Variants in HELZ2 observed in about 807,000 individuals in gnomAD.
HELZ2 encodes 3'-5' exoribonuclease HELZ2.
In HELZ2, 143 loss-of-function variants were observed where a neutral mutation model predicts 208.8. The observed-to-expected ratio is 0.68, with a 90% CI of 0.60 to 0.79. The LOEUF is 0.79. HELZ2 is among the 30% of genes least tolerant of loss of function. The pLI is 0.00. For missense variants in HELZ2, 3,690 were observed against 3,794.5 expected, an observed-to-expected ratio of 0.97 and a Z score of 0.72; for synonymous variants, 1,705 against 1,693.7, an observed-to-expected ratio of 1.01 and a Z score of -0.16.
intron 5 of HELZ2, 127 bp downstream of exon 6, chr20:63,568,231 C>T: frequency 1.3e-6 from 1 of 772,910 alleles, no homozygotes; most frequent in Non-Finnish European, 2.1e-6. Flanking sequence ...AGCCAAAGCC[C>T]AAAGCTGGTC....
exon 16 of HELZ2, chr20:63,560,509 G>T (rs2082874219): frequency 6.4e-7 from 1 of 1,571,476 alleles, no homozygotes; most frequent in Non-Finnish European, 8.6e-7. Context: ...GGTTGGCCTT[G>T]GAGTTCTCAT....
intron 5 of HELZ2, chr20:63,568,095 C>T (rs1455278469): frequency 1.8e-6 from 1 of 567,844 alleles, no homozygotes; most frequent in African/African-American, 1.9e-5. Context: ...CCCAGAAGTC[C>T]TGGGTGGGCC....
chr20:63,562,879 C>T (rs757232312), exon 8 of HELZ2: 28 of 1,604,532 alleles, frequency 1.7e-5, no homozygotes, highest in South Asian at 3.3e-5. Flanking sequence ...CCTGCAGCTG[C>T]CCCTGCGGCG....
chr20:63,564,522 C>A lies in HELZ2; in HGVS notation c.4300G>T (p.Glu1434Ter). Reference sequence around the variant, plus strand: ...CTCTTCAGCTGGCCACTGGCCTTCTCCATGGTGAGGAACAGGGAGATGGCC... The same window carrying A: ...CTCTTCAGCTGGCCACTGGCCTTCTACATGGTGAGGAACAGGGAGATGGCC... The change falls in exon 8 of 19, where the codon GAG becomes TAG. Residue 1434 changes from glutamate to a stop codon, truncating the protein, a stop_gained. Coordinates refer to ENST00000467148, the Ensembl canonical transcript of HELZ2. LOFTEE classifies it high-confidence loss of function. 2 of 1,582,628 alleles carry A rather than the reference C, an allele frequency of 1.3e-6. No individual in the cohort carries two copies. Among genetic ancestry groups the A allele is most frequent in the East Asian group, 2.3e-5 (1 of 43,262 alleles).
At chr20:63,563,231 C>T (rs1211614771) in exon 8 of HELZ2, 9 of 1,566,918 alleles carry the variant, frequency 5.7e-6, no homozygotes, top group African/African-American at 2.7e-5. Context: ...ACAGTGGCTC[C>T]GCTGCACCTG....
At chr20:63,572,805 T>C (rs2083028102), upstream of HELZ2, 1 of 173,174 alleles carries the variant, frequency 5.8e-6, no homozygotes, top group Non-Finnish European at 1.2e-5. Context: ...CGGGCAAAGG[T>C]GCACCGGTTT....
exon 8 of HELZ2, chr20:63,563,699 T>C (rs1433044887): frequency 5.7e-6 from 9 of 1,585,418 alleles, no homozygotes; most frequent in African/African-American, 1.3e-5. Flanking sequence ...GCTGAAGGCC[T>C]GGCAGAGCCC....
exon 9 of HELZ2, chr20:63,562,292 G>A: frequency 3.8e-6 from 6 of 1,598,998 alleles, no homozygotes; most frequent in Non-Finnish European, 4.3e-6. Flanking sequence ...ACCTACCTCT[G>A]CAGAGGGGCT....
At chr20:63,570,183 C>T in intron 3 of HELZ2, 1 of 486,832 alleles carries the variant, frequency 2.1e-6, no homozygotes, top group Middle Eastern at 5.7e-4. Context: ...TGATCTCGAA[C>T]TCCCGACCTC....
Position 63,569,683 on chromosome 20 carries a change from C to T in HELZ2, c.571-18G>A, listed in dbSNP as rs372259575. The T allele has an allele frequency of 7.9e-5, 119 of 1,499,604 alleles. No homozygotes were observed. The highest frequency in any genetic ancestry group is 2.7e-4 in the African/African-American group (19 of 71,430). The allele number at this position is 1,499,604 out of a possible 1,614,324, so 92.9% of individuals were successfully genotyped here. A position where few individuals can be genotyped will look rare whatever the true frequency, so the allele number is the denominator to read the frequency against. On this transcript the variant is annotated intron_variant, in intron 3 of 18. Transcript: ENST00000467148. ...AGGGGCTCCTGGAGAGGAGGCCAGA[C>T]GGTGAGGGGGGCCCAGGGCTCCCCC...
In HELZ2 at chr20:63,563,361, G is replaced by C. The variant is rs1038644498; in HGVS notation, c.5461C>G (p.Leu1821Val). The stretch of plus-strand genomic sequence containing the variant: ...TTCCACAGGGCCGTCTCCACGGCCA[G>C]GGTGTGTGGGTCCGGCACAGTGCCA... The change falls in exon 8 of 19, where the codon CTG (leucine) becomes GTG (valine). Residue 1821 changes from leucine to valine, a missense_variant. Around this residue, in one of 3 missense-constraint regions of HELZ2, gnomAD observed 2,564 missense variants for 2,580.5 expected, o/e 0.99. Coordinates refer to ENST00000467148, the Ensembl canonical transcript of HELZ2. 1 of 1,537,594 alleles carries C rather than the reference G, an allele frequency of 6.5e-7. No individual in the cohort carries two copies. Among genetic ancestry groups the C allele is most frequent in the Non-Finnish European group, 8.7e-7 (1 of 1,147,820 alleles).
At chr20:63,570,946 C>A (rs2083010627) in intron 1 of HELZ2, 78 bp from the exon 3 acceptor site, 2 of 1,159,836 alleles carry the variant, frequency 1.7e-6, no homozygotes, top group Non-Finnish European at 2.4e-6. Flanking sequence ...ACCCCTCAGC[C>A]CAATACTGGC....
rs201565879 is a variant in HELZ2 at position 63,569,547 on chromosome 20, C to T, written c.689G>A (p.Ser230Asn). The T allele has an allele frequency of 1.7e-5, 28 of 1,605,432 alleles. No homozygotes were observed. The East Asian group carries it at 6.1e-4, about 35-fold the overall frequency. The change falls in exon 4 of 19, where the codon AGC (serine) becomes AAC (asparagine). Residue 230 changes from serine (S) to asparagine (N), a missense_variant. Around this residue, in one of 3 missense-constraint regions of HELZ2, gnomAD observed 1,119 missense variants for 1,193.4 expected, o/e 0.94. Coordinates refer to ENST00000467148, the Ensembl canonical transcript of HELZ2. ...TCCCACCTGGAAGTCGGCAGTGGAG[C>T]TGGGCACACGGAAGCGCTCACCCCG...
At chr20:63,560,300 C>G (rs1325445934) in exon 17 of HELZ2, 1 of 1,555,952 alleles carries the variant, frequency 6.4e-7, no homozygotes, top group Non-Finnish European at 8.7e-7. Context: ...ACGGTCCTCC[C>G]CAGGGTCAGC....
chr20:63,561,944 C>T lies in HELZ2; in HGVS notation c.6570G>A (p.Trp2190Ter), dbSNP rs1193577372. 22 of 1,602,256 alleles carry T rather than the reference C, an allele frequency of 1.4e-5. No individual in the cohort carries two copies. Among genetic ancestry groups the T allele is most frequent in the Non-Finnish European group, 1.7e-5 (20 of 1,174,704 alleles). ...CCTGCTCCTGGTTTGATTTATGAAA[C>T]CAGAATACGATGTGGAGGCCCACGA... is the stretch of plus-strand genomic sequence containing the variant. The change falls in exon 11 of 19, where the codon TGG becomes TGA. Residue 2190 changes from tryptophan to a stop codon, truncating the protein, a stop_gained. Transcript: ENST00000467148. LOFTEE classifies it high-confidence loss of function.
At chr20:63,559,405 G>C in intron 18 of HELZ2, 35 bp from the exon 20 acceptor site, 1 of 1,521,358 alleles carries the variant, frequency 6.6e-7, no homozygotes, top group East Asian at 2.4e-5. Flanking sequence ...AGTCAGTCAG[G>C]GTCAGGTGGG....
intron 1 of HELZ2, 48 bp downstream of exon 2, chr20:63,572,060 A>C: frequency 6.5e-7 from 1 of 1,530,954 alleles, no homozygotes; most frequent in Non-Finnish European, 8.8e-7. Flanking sequence ...GGTTCTGCCT[A>C]TGGTGGGCTC....
At position 63,569,320 on chromosome 20, in the gene HELZ2, C is replaced by A; in HGVS notation, c.916G>T (p.Glu306Ter). 6.3e-7 allele frequency: 1 copy of A among 1,590,556 alleles called. No individual in the cohort carries two copies. The highest frequency in any genetic ancestry group is 1.1e-5 in the South Asian group (1 of 88,466). ...AGGGCCGTCTGCTCGGCCGTCCGCT[C>A]CACGCCAGGCACCACGTGGCGGTTG... The change falls in exon 4 of 19, where the codon GAG (glutamate) becomes TAG (stop). Residue 306 changes from glutamate (E) to a stop codon, truncating the protein, a stop_gained. Coordinates refer to ENST00000467148, the Ensembl canonical transcript of HELZ2. LOFTEE classifies it high-confidence loss of function.
At chr20:63,570,441 C>T in intron 3 of HELZ2, 63 bp downstream of exon 4, 2 of 1,380,294 alleles carry the variant, frequency 1.4e-6, no homozygotes, top group Non-Finnish European at 2.0e-6. Flanking sequence ...TGACGTCTGC[C>T]CGGGCTGAAG....
Sources: allele counts gnomAD v4.1 joint callset, GRCh38; gene constraint gnomAD v4.1.1; regional missense constraint gnomAD v4.1.1; transcripts MANE v1.5; gene names NCBI Gene and HGNC (gene_info 2026-07-23, HGNC 2026-07-21).